Variants in DCAF5 observed in about 807,000 individuals in gnomAD.
DCAF5 encodes DDB1 and CUL4 associated factor 5, also known as DDB1- and CUL4-associated factor 5.
A neutral mutation model predicts 80.7 loss-of-function variants in DCAF5; 9 were observed. The observed-to-expected ratio is 0.11, with a 90% CI of 0.07 to 0.19. DCAF5 has a LOEUF of 0.19. Among genes scored for constraint, DCAF5 ranks in the 10% least tolerant of loss-of-function variants. The probability of loss-of-function intolerance (pLI) is 1.00; values close to 1 mark genes in which losing one functional copy is unlikely to be tolerated. For missense variants in DCAF5, 842 were observed against 1,205.7 expected (o/e 0.70, Z 4.47); for synonymous variants, 433 against 461.9 (o/e 0.94, Z 0.80).
intron 6 of DCAF5, chr14:69,083,723 A>G: frequency 3.1e-6 from 2 of 645,190 alleles, no homozygotes; most frequent in East Asian, 2.7e-5. Flanking sequence ...TCAAAAAAGA[A>G]GAGAAAAATG....
At chr14:69,104,699 TA>T (rs1441130725) in intron 5 of DCAF5, among the ~76,000 whole-genome samples, 5 of 151,862 alleles carry the variant, frequency 3.3e-5, no homozygotes, top group African/African-American at 1.2e-4. Flanking sequence ...CTACTAAAAA[TA>T]CCAAAAATTA....
chr14:69,072,429 GAGA>G (rs942032201), intron 7 of DCAF5, among the ~76,000 whole-genome samples: 1 of 151,832 alleles, frequency 6.6e-6, no homozygotes, highest in Non-Finnish European at 1.5e-5. Context: ...GAAAGAAAAA[GAGA>G]AGATTCATGA....
At chr14:69,142,331 A>C (rs1010642046) in intron 1 of DCAF5, among the ~76,000 whole-genome samples, 1 of 152,186 alleles carries the variant, frequency 6.6e-6, no homozygotes, top group African/African-American at 2.4e-5. Context: ...CTAAAGTGAC[A>C]AACTACTACT....
In DCAF5 at chr14:69,118,036, A is replaced by G. The variant is rs1327522489; in HGVS notation, c.535+103T>C. ...AGTGTTTCACATTTCCTTTCCCTTG[A>G]CATCACTTGCACATAGATACTGAGG... is the stretch of plus-strand genomic sequence containing the variant. On this transcript the variant is annotated intron_variant, in intron 4 of 8. Coordinates refer to ENST00000341516, the MANE Select transcript of DCAF5 (RefSeq NM_003861.3). The surrounding 1 kb of genome is among the most constrained non-coding windows in gnomAD (Gnocchi z 4.0). 6.1e-6 allele frequency: 9 copies of G among 1,478,954 alleles called. No individual in the cohort carries two copies. The highest frequency in any genetic ancestry group is 7.4e-6 in the Non-Finnish European group (8 of 1,074,634). 91.6% of individuals were successfully genotyped at this position (1,478,954 alleles called of 1,614,324 possible).
At chr14:69,064,809 C>T (rs1446482599) in intron 7 of DCAF5, among the ~76,000 whole-genome samples, 1 of 152,134 alleles carries the variant, frequency 6.6e-6, no homozygotes, top group African/African-American at 2.4e-5. Context: ...TACCTAGAAC[C>T]TGGGGTGCAA....
At chr14:69,083,012 G>T (rs572163073) in intron 6 of DCAF5, among the ~76,000 whole-genome samples, 1 of 152,190 alleles carries the variant, frequency 6.6e-6, no homozygotes, top group African/African-American at 2.4e-5. Context: ...AACAATCCAG[G>T]TCACCTTGTG....
At chr14:69,062,614 T>C in intron 7 of DCAF5, 103 bp from the exon 8 acceptor site, 2 of 1,318,278 alleles carry the variant, frequency 1.5e-6, no homozygotes, top group Non-Finnish European at 2.1e-6. Context: ...CAAAGATTTT[T>C]GGATTATACC....
At chr14:69,097,587 T>A (rs139879313) in intron 5 of DCAF5, among the ~76,000 whole-genome samples, 28,763 of 126,048 alleles carry the variant, frequency 0.23, 3,238 homozygotes, top group East Asian at 0.72. Context: ...TTATTATTTT[T>A]TTTTTTTTTT....
chr14:69,084,009 A>C, intron 6 of DCAF5: 1 of 781,862 alleles, frequency 1.3e-6, no homozygotes, highest in Non-Finnish European at 2.4e-6. Flanking sequence ...TAAAAGTATC[A>C]GACCACCTCT....
intron 1 of DCAF5, among the ~76,000 whole-genome samples, chr14:69,123,495 G>A (rs2140073607): frequency 6.6e-6 from 1 of 152,194 alleles, no homozygotes; most frequent in Non-Finnish European, 1.5e-5. Flanking sequence ...GCTGGTGTTG[G>A]GAGACTTTTT....
intron 7 of DCAF5, 103 bp from the exon 8 acceptor site, chr14:69,062,614 TG>T: frequency 7.6e-7 from 1 of 1,318,278 alleles, no homozygotes; most frequent in East Asian, 2.4e-5. Context: ...CAAAGATTTT[TG>T]GATTATACCA....
At position 69,053,658 on chromosome 14, in the gene DCAF5, C is replaced by A; in HGVS notation, c.*199G>T. 1 of 567,194 alleles carries A rather than the reference C, an allele frequency of 1.8e-6. No individual in the cohort carries two copies. 35.1% of individuals were successfully genotyped at this position (567,194 alleles called of 1,614,324 possible). ...TATTTTTTTTTCCCCTTTCTTAACA[C>A]AGCACAAGCCAATGGCCAGCTAGAC... On this transcript the variant is annotated 3_prime_UTR_variant, in exon 9 of 9. Coordinates refer to ENST00000341516, the MANE Select transcript of DCAF5 (RefSeq NM_003861.3).
intron 1 of DCAF5, among the ~76,000 whole-genome samples, chr14:69,145,856 A>T (rs575398675): frequency 6.6e-6 from 1 of 152,346 alleles, no homozygotes; most frequent in Non-Finnish European, 1.5e-5. Context: ...GACCATAAAA[A>T]GAAGACAGAG....
At chr14:69,084,584 G>C in intron 6 of DCAF5, 1 of 797,408 alleles carries the variant, frequency 1.3e-6, no homozygotes, top group Non-Finnish European at 2.1e-6. Context: ...TCTTGAGCAG[G>C]GATATGTTGT....
intron 5 of DCAF5, among the ~76,000 whole-genome samples, chr14:69,103,597 A>AT (rs2040037255): frequency 6.6e-6 from 1 of 152,196 alleles, no homozygotes. Context: ...ATTTATTCAG[A>AT]TTTTATCAGC....
chr14:69,109,986 A>G (rs1386056036), intron 5 of DCAF5, among the ~76,000 whole-genome samples: 4 of 152,192 alleles, frequency 2.6e-5, no homozygotes, highest in African/African-American at 9.6e-5. Context: ...ACCTAATACT[A>G]TAAGTCTTTT....
At chr14:69,126,246 C>T (rs1048190830) in intron 1 of DCAF5, among the ~76,000 whole-genome samples, 1 of 151,190 alleles carries the variant, frequency 6.6e-6, no homozygotes, top group African/African-American at 2.4e-5. Flanking sequence ...CAACCTCTGC[C>T]TCCCGGGTTC....
chr14:69,123,088 C>T (rs1383294119), intron 1 of DCAF5, among the ~76,000 whole-genome samples: 2 of 152,168 alleles, frequency 1.3e-5, no homozygotes, highest in Non-Finnish European at 1.5e-5. Flanking sequence ...TCCCTTACTC[C>T]ATTCAATGAA....
At position 69,122,336 on chromosome 14, in the gene DCAF5, A is replaced by C; in HGVS notation, c.239T>G (p.Leu80Arg). 1 of 1,612,618 alleles carries C rather than the reference A, an allele frequency of 6.2e-7. No individual in the cohort carries two copies. The highest frequency in any genetic ancestry group is 8.5e-7 in the Non-Finnish European group (1 of 1,178,766). The change falls in exon 2 of 9, where the codon CTA (leucine) becomes CGA (arginine). Residue 80 changes from leucine (L) to arginine (R), a missense_variant. This residue lies in a region of DCAF5 where 142 missense variants were observed against 311.9 expected (regional missense o/e 0.46). Coordinates refer to ENST00000341516, the MANE Select transcript of DCAF5 (RefSeq NM_003861.3). ...VSGGDDRRVL[L>R]WHMEQAIHSR... ...GTGGATGGCTTGTTCCATGTGCCATAGCAGAACCCGGCGGTCATCTCCTCC... is the reference window on the plus strand; with the variant it reads ...GTGGATGGCTTGTTCCATGTGCCATCGCAGAACCCGGCGGTCATCTCCTCC...
Sources: gnomAD v4.1 joint callset for allele counts (sites outside exome capture counted in the v4.1 genomes callset) on GRCh38, gnomAD v4.1.1 for gene constraint, gnomAD v4.1.1 regional missense constraint, Gnocchi (gnomAD v3.1) non-coding constraint, MANE v1.5 for transcripts, NCBI Gene and HGNC (gene_info 2026-07-23, HGNC 2026-07-21) for gene names.